Variants in PMP22 observed in about 807,000 individuals in gnomAD.
PMP22 encodes the protein peripheral myelin protein 22, also known as Charcot-Marie-Tooth neuropathy 1A (greatly reduced nerve conduction velocity, hereditary motor sensory neuropathy Ia).
A neutral mutation model predicts 18.9 loss-of-function variants in PMP22; 2 were observed. The observed-to-expected ratio is 0.11, with a 90% CI of 0.04 to 0.33. PMP22 has a LOEUF of 0.33. Among genes scored for constraint, PMP22 ranks in the 10% least tolerant of loss-of-function variants. PMP22 has a pLI of 1.00. For synonymous variants in PMP22, 95 were observed against 89.2 expected (o/e 1.07, Z -0.37); for missense variants, 169 against 202.2 (o/e 0.84, Z 1.00).
At chr17:15,249,391 T>C (rs940085495) in intron 3 of PMP22, among the ~76,000 whole-genome samples, 1 of 152,176 alleles carries the variant, frequency 6.6e-6, no homozygotes, top group Admixed American at 6.5e-5. Flanking sequence ...GCAGACCCGG[T>C]GCAGAAAAAC....
chr17:15,240,757 G>A (rs1907252025), intron 3 of PMP22, among the ~76,000 whole-genome samples: 1 of 152,156 alleles, frequency 6.6e-6, no homozygotes, highest in Non-Finnish European at 1.5e-5. Flanking sequence ...TGGAGGAAGG[G>A]CAACTGGGGA....
chr17:15,250,311 A>T (rs950199133), intron 3 of PMP22, among the ~76,000 whole-genome samples: 1 of 151,732 alleles, frequency 6.6e-6, no homozygotes, highest in Non-Finnish European at 1.5e-5. Flanking sequence ...ACCCTCGTTA[A>T]CCCCTGGCAT....
chr17:15,262,098 G>A (rs1418791321), intron 1 of PMP22, among the ~76,000 whole-genome samples: 1 of 152,220 alleles, frequency 6.6e-6, no homozygotes, highest in Admixed American at 6.5e-5. Context: ...ACACTCTCGG[G>A]ATGTCCGCCA....
intron 3 of PMP22, among the ~76,000 whole-genome samples, chr17:15,257,029 G>A (rs1908896338): frequency 6.6e-6 from 1 of 152,210 alleles, no homozygotes; most frequent in Non-Finnish European, 1.5e-5. Context: ...TGCCCTGATT[G>A]TGAGAGCTGA....
At position 15,260,803 on chromosome 17, in the gene PMP22, C is replaced by A. The variant is rs1287941000; in HGVS notation, c.-34-42G>T. 2.0e-5 allele frequency: 27 copies of A among 1,330,648 alleles called. No individual in the cohort carries two copies. The South Asian group carries it at 2.9e-4, about 14-fold the overall frequency. 82.4% of individuals were successfully genotyped at this position (1,330,648 alleles called of 1,614,324 possible). On this transcript the variant is annotated intron_variant, in intron 1 of 4. Coordinates refer to ENST00000312280, the MANE Select transcript of PMP22 (RefSeq NM_000304.4). ...GGGCGTGAGGCCGAACGCACTGGGCCGAGCGACGGAGGCGCGCGCAGAGGG... is the reference window on the plus strand; with the variant it reads ...GGGCGTGAGGCCGAACGCACTGGGCAGAGCGACGGAGGCGCGCGCAGAGGG...
chr17:15,263,381 G>T (rs1378950168), intron 1 of PMP22, among the ~76,000 whole-genome samples: 1 of 152,148 alleles, frequency 6.6e-6, no homozygotes, highest in Non-Finnish European at 1.5e-5. Context: ...AGCAGCCAAG[G>T]AAATCAGCTG....
chr17:15,236,066 CTT>C (rs58945161), intron 4 of PMP22, among the ~76,000 whole-genome samples: 19 of 144,642 alleles, frequency 1.3e-4, no homozygotes, highest in South Asian at 8.8e-4. Context: ...CGCCCACTGT[CTT>C]TTTTTTTTTT....
chr17:15,245,491 G>T (rs1440859257), intron 3 of PMP22, among the ~76,000 whole-genome samples: 1 of 152,082 alleles, frequency 6.6e-6, no homozygotes, highest in Non-Finnish European at 1.5e-5. Context: ...CATTTTTTTG[G>T]CCTTGAATTC....
At chr17:15,260,563 C>A in intron 2 of PMP22, 87 bp downstream of exon 2, 1 of 1,111,926 alleles carries the variant, frequency 9.0e-7, no homozygotes, top group Non-Finnish European at 1.3e-6. Flanking sequence ...CTGCAAATAA[C>A]ACAGTCCTGA....
In PMP22 at chr17:15,239,527, A is replaced by G; in HGVS notation, c.263T>C (p.Phe88Ser). 1 of 1,614,108 alleles carries G rather than the reference A, an allele frequency of 6.2e-7. No individual in the cohort carries two copies. The highest frequency in any genetic ancestry group is 8.5e-7 in the Non-Finnish European group (1 of 1,179,934). The part of the protein sequence containing the change: ...LSLFLFFCQL[F>S]TLTKGGRFYI... ...AAACCTGCCCCCCTTGGTGAGGGTG[A>G]AGAGTTGGCAGAAGAACAGGAACAG... Residue 88 changes from phenylalanine (F) to serine (S), a missense_variant, in exon 4 of 5, where the codon TTC (phenylalanine) becomes TCC (serine). By Grantham distance (155) the Phe-to-Ser change is radical. Transcript: ENST00000312280.
intron 4 of PMP22, among the ~76,000 whole-genome samples, chr17:15,238,025 T>C (rs1156649231): frequency 6.6e-6 from 1 of 151,834 alleles, no homozygotes; most frequent in Non-Finnish European, 1.5e-5. Context: ...CCCCAGAATA[T>C]GTTACAGTTG....
intron 4 of PMP22, among the ~76,000 whole-genome samples, chr17:15,231,947 A>G (rs1906394625): frequency 6.6e-6 from 1 of 152,140 alleles, no homozygotes; most frequent in Admixed American, 6.5e-5. Flanking sequence ...AGCTCACGTG[A>G]CAGACAGCGT....
In PMP22 at chr17:15,258,366, C is replaced by A. The variant is rs929551233; in HGVS notation, c.178+728G>T. Among the ~76,000 whole-genome samples, 8 of 152,140 alleles carry A rather than the reference C, an allele frequency of 5.3e-5. No homozygotes were observed. Among genetic ancestry groups the A allele is most frequent in the Non-Finnish European group, 1.2e-4 (8 of 68,036 alleles). On this transcript the variant is annotated intron_variant, in intron 3 of 4. Coordinates refer to ENST00000312280, the MANE Select transcript of PMP22 (RefSeq NM_000304.4). This position sits in a 1 kb window ranked among gnomAD's most constrained non-coding sequence, Gnocchi z 4.1. ...CACACAGGGCTCCTGGCTGGGTGTTCCTTTCCCTCTGGGTGCCTTGGGTAC... is the reference window on the plus strand; with the variant it reads ...CACACAGGGCTCCTGGCTGGGTGTTACTTTCCCTCTGGGTGCCTTGGGTAC...
chr17:15,248,347 G>A (rs1011451792), intron 3 of PMP22, among the ~76,000 whole-genome samples: 1 of 152,220 alleles, frequency 6.6e-6, no homozygotes, highest in East Asian at 1.9e-4. Flanking sequence ...CTGGCCACTA[G>A]TGGGCACAAA....
chr17:15,249,966 C>A (rs74750223), intron 3 of PMP22, among the ~76,000 whole-genome samples: 6,473 of 152,204 alleles, frequency 0.043, 204 homozygotes, highest in Non-Finnish European at 0.066. Flanking sequence ...CTCAGGCTGG[C>A]GTGCAGTGGT....
At chr17:15,233,215 G>A (rs1322242775) in intron 4 of PMP22, among the ~76,000 whole-genome samples, 1 of 152,176 alleles carries the variant, frequency 6.6e-6, no homozygotes, top group African/African-American at 2.4e-5. Context: ...AGGTGGAGAT[G>A]TATCACCAGG....
chr17:15,248,170 A>C (rs1199613748), intron 3 of PMP22, among the ~76,000 whole-genome samples: 1 of 152,210 alleles, frequency 6.6e-6, no homozygotes, highest in East Asian at 1.9e-4. Flanking sequence ...GGTGGCTTTG[A>C]AATGGGCTTG....
chr17:15,235,152 T>C lies in PMP22; in HGVS notation c.320-4072A>G, dbSNP rs573809874. 289 of 715,310 alleles carry C rather than the reference T, an allele frequency of 4.0e-4. 6 individuals carry two copies. The highest frequency in any genetic ancestry group is 3.7e-3 in the South Asian group (253 of 67,470). The allele number at this position is 715,310 out of a possible 1,614,324, so 44.3% of individuals were successfully genotyped here. A position where few individuals can be genotyped will look rare whatever the true frequency, so the allele number is the denominator to read the frequency against. ...TTTTATTTTAAATGCTCTATAGCTA[T>C]ATTGATCTTTCTATTAACAAAACAA... On this transcript the variant is annotated intron_variant, in intron 4 of 4. Coordinates refer to ENST00000312280, the MANE Select transcript of PMP22 (RefSeq NM_000304.4).
intron 3 of PMP22, among the ~76,000 whole-genome samples, chr17:15,247,174 C>A (rs538603351): frequency 1.3e-3 from 195 of 150,734 alleles, no homozygotes; most frequent in African/African-American, 4.5e-3. Flanking sequence ...TTGAGACCAT[C>A]CTGGCTAACA....
Sources: allele counts gnomAD v4.1 joint callset (sites outside exome capture counted in the v4.1 genomes callset), GRCh38; gene constraint gnomAD v4.1.1; non-coding constraint Gnocchi (gnomAD v3.1); transcripts MANE v1.5; gene names NCBI Gene and HGNC (gene_info 2026-07-23, HGNC 2026-07-21).